Variants in SGCZ observed in about 807,000 individuals in gnomAD.
SGCZ encodes the protein zeta-sarcoglycan.
SGCZ carries 40 observed loss-of-function variants against 41.3 expected under a neutral mutation model. That is an observed-to-expected ratio of 0.97 (90% confidence interval 0.75 to 1.26). SGCZ has a LOEUF of 1.26. Ranked by LOEUF, SGCZ falls within the 50% of genes most tolerant of loss-of-function variation. SGCZ has a pLI of 0.00. For missense variants in SGCZ, 552 were observed against 369.8 expected, an observed-to-expected ratio of 1.49 and a Z score of -4.04; for synonymous variants, 206 against 137.5, an observed-to-expected ratio of 1.50 and a Z score of -3.49.
At chr8:14,517,871 ATC>A (rs1563380956) in intron 2 of SGCZ, among the ~76,000 whole-genome samples, 1 of 151,484 alleles carries the variant, frequency 6.6e-6, no homozygotes, top group Non-Finnish European at 1.5e-5. Context: ...ATATTTTTAA[ATC>A]TCTTTTTGAT....
chr8:15,209,475 TAAAAAAAAAAAA>T (rs57088562), intron 1 of SGCZ, among the ~76,000 whole-genome samples: 1 of 142,112 alleles, frequency 7.0e-6, no homozygotes, highest in African/African-American at 2.7e-5. Context: ...AGCATAATAG[TAAAAAAAAAAAA>T]AAAAAAAAAA....
intron 3 of SGCZ, among the ~76,000 whole-genome samples, chr8:14,247,557 A>G (rs1210836155): frequency 1.3e-5 from 2 of 152,200 alleles, no homozygotes; most frequent in East Asian, 3.9e-4. Flanking sequence ...ATCTCTATCT[A>G]AAGTAACAAA....
chr8:14,530,252 A>T (rs925650409), intron 2 of SGCZ, among the ~76,000 whole-genome samples: 20 of 152,074 alleles, frequency 1.3e-4, no homozygotes, highest in African/African-American at 4.6e-4. Flanking sequence ...AAAATAGAGT[A>T]ATGCCTTTTG....
At chr8:14,662,600 G>A (rs1807790006) in intron 1 of SGCZ, among the ~76,000 whole-genome samples, 1 of 152,174 alleles carries the variant, frequency 6.6e-6, no homozygotes, top group South Asian at 2.1e-4. Flanking sequence ...GGGTCCCTGT[G>A]TTAGGCTAAA....
At chr8:14,378,084 A>T (rs1804205481) in intron 2 of SGCZ, among the ~76,000 whole-genome samples, 1 of 150,062 alleles carries the variant, frequency 6.7e-6, no homozygotes, top group Admixed American at 6.6e-5. Flanking sequence ...TTCTAGTTCT[A>T]GATCCCTGAG....
chr8:14,969,787 G>T (rs932247069), intron 1 of SGCZ, among the ~76,000 whole-genome samples: 1 of 151,972 alleles, frequency 6.6e-6, no homozygotes, highest in Admixed American at 6.6e-5. Flanking sequence ...TCATTCACCT[G>T]TTGATGGACA....
At chr8:14,368,619 C>T (rs1291815497) in intron 2 of SGCZ, among the ~76,000 whole-genome samples, 3 of 151,794 alleles carry the variant, frequency 2.0e-5, no homozygotes, top group Admixed American at 2.0e-4. Flanking sequence ...CATTATAAGG[C>T]AGAGAGTTTT....
chr8:14,654,522 G>C (rs536050790), intron 1 of SGCZ, among the ~76,000 whole-genome samples: 44 of 152,184 alleles, frequency 2.9e-4, no homozygotes, highest in African/African-American at 1.1e-3. Context: ...CAATAAATAT[G>C]AGCTTTACTA....
intron 5 of SGCZ, among the ~76,000 whole-genome samples, chr8:14,162,959 C>T (rs905452441): frequency 2.6e-5 from 4 of 152,164 alleles, no homozygotes; most frequent in Non-Finnish European, 5.9e-5. Flanking sequence ...CAGCCTTGAC[C>T]TCCTGGGCTC....
intron 1 of SGCZ, among the ~76,000 whole-genome samples, chr8:14,977,218 G>C (rs977635866): frequency 9.9e-5 from 15 of 152,148 alleles, no homozygotes; most frequent in Admixed American, 6.5e-5. Context: ...CTTCTTCACA[G>C]TGAAGCCTCC....
intron 4 of SGCZ, among the ~76,000 whole-genome samples, chr8:14,218,142 T>C (rs1806065838): frequency 6.6e-6 from 1 of 152,150 alleles, no homozygotes; most frequent in African/African-American, 2.4e-5. Context: ...AGGCAAAGCA[T>C]TTAAAATAGT....
At chr8:15,019,089 T>C (rs957437301) in intron 1 of SGCZ, among the ~76,000 whole-genome samples, 5 of 152,150 alleles carry the variant, frequency 3.3e-5, no homozygotes, top group African/African-American at 1.2e-4. Context: ...GCCTCCATGA[T>C]CCAATTACCT....
At chr8:14,570,616 C>A (rs1804521506) in intron 1 of SGCZ, among the ~76,000 whole-genome samples, 1 of 151,978 alleles carries the variant, frequency 6.6e-6, no homozygotes, top group Non-Finnish European at 1.5e-5. Context: ...TTTAGAATTT[C>A]TGAAGGAAAT....
At chr8:14,457,682 G>A (rs571519518) in intron 2 of SGCZ, among the ~76,000 whole-genome samples, 102 of 152,286 alleles carry the variant, frequency 6.7e-4, no homozygotes, top group Admixed American at 6.6e-3. Context: ...GAAATAATGG[G>A]GTAAGCTGTC....
At chr8:14,741,685 T>A (rs1447691217) in intron 1 of SGCZ, among the ~76,000 whole-genome samples, 1 of 152,046 alleles carries the variant, frequency 6.6e-6, no homozygotes, top group Non-Finnish European at 1.5e-5. Flanking sequence ...TGCAAAAATA[T>A]AAAATGTAGA....
At chr8:14,605,003 A>T (rs1482969152) in intron 1 of SGCZ, among the ~76,000 whole-genome samples, 2 of 152,180 alleles carry the variant, frequency 1.3e-5, no homozygotes, top group Non-Finnish European at 1.5e-5. Context: ...CTGCTTTTAC[A>T]TTCAGTCTTG....
chr8:14,128,903 G>C (rs1003259702), intron 5 of SGCZ, among the ~76,000 whole-genome samples: 1 of 152,122 alleles, frequency 6.6e-6, no homozygotes, highest in Non-Finnish European at 1.5e-5. Flanking sequence ...ATACAGAGTG[G>C]AATAATTGAC....
At chr8:15,011,797 A>G (rs1363233761) in intron 1 of SGCZ, among the ~76,000 whole-genome samples, 1 of 152,198 alleles carries the variant, frequency 6.6e-6, no homozygotes, top group Non-Finnish European at 1.5e-5. Context: ...TATCACTGCA[A>G]ATATCCATTG....
intron 1 of SGCZ, among the ~76,000 whole-genome samples, chr8:14,564,620 A>C (rs1804304522): frequency 6.6e-6 from 1 of 152,212 alleles, no homozygotes; most frequent in African/African-American, 2.4e-5. Context: ...TCTACCCCTT[A>C]GCTAGTGATC....
Sources: gnomAD v4.1 joint callset for allele counts (sites outside exome capture counted in the v4.1 genomes callset) on GRCh38, gnomAD v4.1.1 for gene constraint, MANE v1.5 for transcripts, NCBI Gene and HGNC (gene_info 2026-07-23, HGNC 2026-07-21) for gene names.